Variants in RNF38 observed in about 807,000 individuals in gnomAD.
The protein encoded by RNF38 is ring finger protein 38, also known as E3 ubiquitin-protein ligase RNF38.
Under a neutral mutation model 67.2 loss-of-function variants are expected in RNF38, and 15 were observed. That is an observed-to-expected ratio of 0.22 (90% CI 0.15 to 0.34). The LOEUF (loss-of-function observed/expected upper bound fraction) is 0.34, where lower values mean the gene tolerates loss of function less well. Ranked by LOEUF, RNF38 falls within the 10% of genes least tolerant of loss-of-function variation. The probability of loss-of-function intolerance (pLI) is 1.00; values close to 1 mark genes in which losing one functional copy is unlikely to be tolerated. For missense variants in RNF38, 524 were observed against 639.9 expected, an observed-to-expected ratio of 0.82 and a Z score of 1.95; for synonymous variants, 220 against 218.8, an observed-to-expected ratio of 1.01 and a Z score of -0.05.
chr9:36,486,494 G>T (rs1334601229), intron 1 of RNF38, among the ~76,000 whole-genome samples: 1 of 152,104 alleles, frequency 6.6e-6, no homozygotes, highest in Non-Finnish European at 1.5e-5. Context: ...TGCATTTCTG[G>T]TTTCGGCATG....
intron 1 of RNF38, chr9:36,487,167 G>A (rs1043131565): frequency 1.7e-4 from 84 of 495,968 alleles, no homozygotes; most frequent in Non-Finnish European, 2.1e-4. Context: ...GGCTCGCAGG[G>A]GCTCCGGGGC....
At chr9:36,413,661 G>C (rs1487569573) in intron 2 of RNF38, among the ~76,000 whole-genome samples, 1 of 151,570 alleles carries the variant, frequency 6.6e-6, no homozygotes, top group Non-Finnish European at 1.5e-5. Flanking sequence ...AGTTTTCCTT[G>C]TAGAGGTCTT....
At chr9:36,431,901 A>G (rs528423058) in intron 1 of RNF38, among the ~76,000 whole-genome samples, 57 of 152,280 alleles carry the variant, frequency 3.7e-4, no homozygotes, top group African/African-American at 1.4e-3. Context: ...CGTTAGCAGA[A>G]ACTCAGGTAT....
chr9:36,447,011 T>C lies in RNF38; in HGVS notation n.242-22328A>G, dbSNP rs368443026. 8.7e-5 allele frequency among the ~76,000 whole-genome samples: 13 copies of C among 148,816 alleles called. No individual in the cohort carries two copies. In the East Asian group the frequency reaches 1.8e-3, roughly 21 times the overall value. ...GTGTGGTGGCGGATGCCTGTATTCC[T>C]AGCTACTTGGGAGGCTGAGGCAGGA... On this transcript the variant is annotated intron_variant and non_coding_transcript_variant, in intron 1 of 3. Coordinates refer to the RNF38 transcript ENST00000488058.
chr9:36,479,650 T>A (rs1190672469), intron 1 of RNF38, among the ~76,000 whole-genome samples: 1 of 152,164 alleles, frequency 6.6e-6, no homozygotes, highest in Non-Finnish European at 1.5e-5. Context: ...ATCATCCTAA[T>A]TAACCAGTGG....
At chr9:36,371,978 TG>T (rs1247928579) in intron 3 of RNF38, among the ~76,000 whole-genome samples, 2 of 151,228 alleles carry the variant, frequency 1.3e-5, no homozygotes, top group Non-Finnish European at 2.9e-5. Context: ...TCTGCCAGGC[TG>T]GAGTGCAGTG....
intron 1 of RNF38, among the ~76,000 whole-genome samples, chr9:36,450,209 G>T (rs1423829926): frequency 6.6e-6 from 1 of 151,732 alleles, no homozygotes; most frequent in Non-Finnish European, 1.5e-5. Flanking sequence ...CTTTTTTGTT[G>T]CCCCCAACAA....
At chr9:36,382,575 A>C (rs916891896) in intron 2 of RNF38, among the ~76,000 whole-genome samples, 2 of 152,230 alleles carry the variant, frequency 1.3e-5, no homozygotes, top group Non-Finnish European at 2.9e-5. Context: ...CTTAGAGATA[A>C]TAGGAGATGC....
upstream of RNF38, chr9:36,400,565 G>GGCTCCGCCCTGCCGGGCA: frequency 1.0e-6 from 1 of 987,678 alleles, no homozygotes; most frequent in Non-Finnish European, 1.2e-6. Context: ...TGCGAGGGGA[G>GGCTCCGCCCTGCCGGGCA]GCTCCGCCCT....
chr9:36,458,636 C>T (rs140125803), intron 1 of RNF38, among the ~76,000 whole-genome samples: 16 of 152,122 alleles, frequency 1.1e-4, no homozygotes, highest in Admixed American at 5.2e-4. Flanking sequence ...AGTGAGACCA[C>T]GAACCCACCG....
Position 36,346,353 on chromosome 9 carries a change from T to C in RNF38, c.1264-1400A>G, listed in dbSNP as rs573818743. On this transcript the variant is annotated intron_variant, in intron 9 of 11. Transcript: ENST00000259605. ...CCTGAGTAGCTGCCCAGCTAATTTT[T>C]TGTATTTTTTATTTTTTAGTAGAGA... 6.6e-5 allele frequency among the ~76,000 whole-genome samples: 10 copies of C among 152,056 alleles called. No homozygotes were observed. The East Asian group carries it at 1.3e-3, about 21-fold the overall frequency.
chr9:36,341,449 A>G (rs1438711969), intron 11 of RNF38, among the ~76,000 whole-genome samples: 6 of 152,076 alleles, frequency 3.9e-5, no homozygotes, highest in Admixed American at 2.6e-4. Flanking sequence ...AAATTTGACT[A>G]TATTTTTTTT....
At chr9:36,469,206 T>C (rs1429994789) in intron 1 of RNF38, among the ~76,000 whole-genome samples, 1 of 152,136 alleles carries the variant, frequency 6.6e-6, no homozygotes, top group Non-Finnish European at 1.5e-5. Flanking sequence ...ATCAGTTAGG[T>C]GGGGTTTACT....
intron 2 of RNF38, among the ~76,000 whole-genome samples, chr9:36,418,045 G>A (rs1238664433): frequency 1.4e-5 from 2 of 147,978 alleles, no homozygotes; most frequent in African/African-American, 2.5e-5. Context: ...CAATCAATAT[G>A]TGATTTTTTT....
chr9:36,359,991 T>C (rs1033245701), intron 4 of RNF38, among the ~76,000 whole-genome samples: 2 of 152,030 alleles, frequency 1.3e-5, no homozygotes, highest in Non-Finnish European at 2.9e-5. Flanking sequence ...ATGATCTGCC[T>C]GCCTCAGCCT....
intron 10 of RNF38, among the ~76,000 whole-genome samples, chr9:36,343,075 G>A (rs1281756549): frequency 1.3e-5 from 2 of 151,882 alleles, no homozygotes; most frequent in East Asian, 1.9e-4. Context: ...TAAGTGCTAT[G>A]TAAATAGTTG....
intron 2 of RNF38, among the ~76,000 whole-genome samples, chr9:36,413,055 AGAGC>A (rs1376494331): frequency 6.6e-6 from 1 of 151,606 alleles, no homozygotes; most frequent in African/African-American, 2.4e-5. Context: ...CTGGACAACA[AGAGC>A]GAGAGTCCAT....
upstream of RNF38, among the ~76,000 whole-genome samples, chr9:36,405,594 TTTCTTTAAGACTGGTGTTAACGCC>T (rs1838158497): frequency 6.6e-6 from 1 of 152,176 alleles, no homozygotes; most frequent in Non-Finnish European, 1.5e-5. Context: ...TCTAGAAGTG[TTTCTTTAAGACTGGTGTTAACGCC>T]TTCTTTAAAT....
chr9:36,416,275 G>A lies in RNF38; in HGVS notation n.312+8338C>T, dbSNP rs1024975921. Among the ~76,000 whole-genome samples the A allele has an allele frequency of 7.2e-5, 11 of 152,020 alleles. No homozygotes were observed. In the South Asian group the frequency reaches 1.9e-3, roughly 26 times the overall value. ...AAATTGTATTCCCTGGGGGATTATG[G>A]TTGCCTCTGCTGCTTCAAACAGATC... On this transcript the variant is annotated intron_variant and non_coding_transcript_variant, in intron 2 of 3. Transcript: ENST00000488058.
Sources: allele counts gnomAD v4.1 joint callset (sites outside exome capture counted in the v4.1 genomes callset), GRCh38; gene constraint gnomAD v4.1.1; transcripts MANE v1.5; gene names NCBI Gene and HGNC (gene_info 2026-07-23, HGNC 2026-07-21).